The following USP47 variants were observed in gnomAD, a reference collection of about 807,000 sequenced individuals.
The protein encoded by USP47 is ubiquitin specific peptidase 47.
In USP47, 35 loss-of-function variants were observed where a neutral mutation model predicts 165.1. The observed-to-expected ratio is 0.21, with a 90% CI of 0.16 to 0.28. USP47 has a LOEUF of 0.28. Among genes scored for constraint, USP47 ranks in the 10% least tolerant of loss-of-function variants. USP47 has a pLI of 1.00. For synonymous variants in USP47, 531 were observed against 544.5 expected, an observed-to-expected ratio of 0.98 and a Z score of 0.35; for missense variants, 1,277 against 1,607.4, an observed-to-expected ratio of 0.79 and a Z score of 3.52.
Position 11,842,203 on chromosome 11 carries a change from G to A in USP47, c.18G>A (p.Glu6=). ...AGTCAGCGATGGTGCCCGGCGAGGA[G>A]AACCAACTGGTCCCGAAAGAGGTGA... MVPGE[E]NQLVPKEIEN... is the part of the protein sequence containing the mutation. Residue 6 remains glutamate (E), a synonymous_variant, in exon 1 of 28, where the codon GAG becomes GAA. Transcript: ENST00000527733. The A allele has an allele frequency of 6.4e-7, 1 of 1,553,974 alleles. No homozygotes were observed. The highest frequency in any genetic ancestry group is 2.0e-5 in the Admixed American group (1 of 51,150).
At chr11:11,908,275 TTCTC>T (rs1032582742) in intron 8 of USP47, among the ~76,000 whole-genome samples, 3 of 152,028 alleles carry the variant, frequency 2.0e-5, no homozygotes, top group Non-Finnish European at 4.4e-5. Flanking sequence ...TTTCTTTTTT[TTCTC>T]TCTCTCTTTT....
intron 4 of USP47, among the ~76,000 whole-genome samples, chr11:11,893,788 G>A (rs1410474972): frequency 6.6e-6 from 1 of 152,152 alleles, no homozygotes; most frequent in African/African-American, 2.4e-5. Flanking sequence ...TCCTGACTCA[G>A]CCTCCCAAGT....
Position 11,847,005 on chromosome 11 carries a change from A to G in USP47, c.39+4781A>G, listed in dbSNP as rs150292046. ...TTTAATAAAAGTCAGTATTTTAGAT[A>G]TCATTGGAAATGCTCATTTAATGAA... On this transcript the variant is annotated intron_variant, in intron 1 of 27. Coordinates refer to ENST00000527733, the MANE Select transcript of USP47 (RefSeq NM_001282659.2). Among the ~76,000 whole-genome samples the G allele has an allele frequency of 5.9e-4, 90 of 152,296 alleles. 1 individual carries two copies. Among genetic ancestry groups the G allele is most frequent in the African/African-American group, 2.1e-3 (86 of 41,584 alleles).
chr11:11,948,165 A>G (rs369301897), intron 21 of USP47, 45 bp downstream of exon 21: 403 of 1,560,102 alleles, frequency 2.6e-4, no homozygotes, highest in Middle Eastern at 5.2e-4. Context: ...ATTTTAAATG[A>G]TAGATTTGAG....
chr11:11,943,019 G>A lies in USP47; in HGVS notation c.2998G>A (p.Asp1000Asn), dbSNP rs576997560. 1 of 1,613,560 alleles carries A rather than the reference G, an allele frequency of 6.2e-7. No homozygotes were observed. Among genetic ancestry groups the A allele is most frequent in the African/African-American group, 1.3e-5 (1 of 74,994 alleles). ...AGACTCTGGAACTGATAGTGAATATGATGAGAGTGGCAAGAGTAGGGGAGA... is the reference window on the plus strand; with the variant it reads ...AGACTCTGGAACTGATAGTGAATATAATGAGAGTGGCAAGAGTAGGGGAGA... ...EEDSGTDSEY[D>N]ESGKSRGEMQ... is the part of the protein sequence containing the mutation. Residue 1000 changes from aspartate to asparagine, a missense_variant, in exon 20 of 28, where the codon GAT becomes AAT. Physicochemically the swap from Asp to Asn is conservative, Grantham distance 23. Coordinates refer to ENST00000527733, the MANE Select transcript of USP47 (RefSeq NM_001282659.2).
At chr11:11,858,686 A>G (rs1849203099) in intron 1 of USP47, among the ~76,000 whole-genome samples, 1 of 152,172 alleles carries the variant, frequency 6.6e-6, no homozygotes, top group South Asian at 2.1e-4. Context: ...CATTTTGGGT[A>G]GGAATTTTTT....
chr11:11,846,965 A>G (rs1261660937), intron 1 of USP47, among the ~76,000 whole-genome samples: 3 of 152,102 alleles, frequency 2.0e-5, no homozygotes, highest in African/African-American at 7.2e-5. Context: ...CCAGCGTTTT[A>G]AACAAATTGG....
rs971647910 is a variant in USP47 at position 11,957,864 on chromosome 11, C to T, written c.*1689C>T. The T allele has an allele frequency of 6.6e-6, 1 of 151,178 alleles. No individual in the cohort carries two copies. Among genetic ancestry groups the T allele is most frequent in the Non-Finnish European group, 1.5e-5 (1 of 67,916 alleles). 9.4% of individuals were successfully genotyped at this position (151,178 alleles called of 1,614,324 possible). On this transcript the variant is annotated 3_prime_UTR_variant, in exon 28 of 28. Transcript: ENST00000527733. ...TCCACAATGAAAAAAAAAATCTTTT[C>T]TAAGGTATTTTTCTGGCTAATTTTT...
At chr11:11,865,954 C>T (rs1177484759) in intron 1 of USP47, among the ~76,000 whole-genome samples, 1 of 152,030 alleles carries the variant, frequency 6.6e-6, no homozygotes, top group African/African-American at 2.4e-5. Context: ...AATATTTTCT[C>T]CCATTCTGAG....
At chr11:11,913,960 G>A (rs748346110) in intron 8 of USP47, among the ~76,000 whole-genome samples, 1 of 152,018 alleles carries the variant, frequency 6.6e-6, no homozygotes, top group Non-Finnish European at 1.5e-5. Context: ...ATTCAATATA[G>A]TAAAGATAAT....
chr11:11,950,574 G>T (rs1856153269), intron 24 of USP47, 92 bp downstream of exon 24: 7 of 864,396 alleles, frequency 8.1e-6, no homozygotes, highest in Non-Finnish European at 1.8e-6. Context: ...TGAGTTACGA[G>T]GAATCTAATA....
chr11:11,935,598 T>G (rs774370503), intron 16 of USP47, among the ~76,000 whole-genome samples: 39 of 152,090 alleles, frequency 2.6e-4, no homozygotes, highest in Middle Eastern at 6.8e-3. Flanking sequence ...TTACAAGTCC[T>G]TCTTGAAACT....
chr11:11,955,181 T>G lies in USP47; in HGVS notation c.3893+17T>G, dbSNP rs1352218539. 4 of 1,605,790 alleles carry G rather than the reference T, an allele frequency of 2.5e-6. No homozygotes were observed. The highest frequency in any genetic ancestry group is 3.4e-6 in the Non-Finnish European group (4 of 1,177,200). On this transcript the variant is annotated intron_variant, in intron 27 of 27. Coordinates refer to ENST00000527733, the MANE Select transcript of USP47 (RefSeq NM_001282659.2). Reference sequence around the variant, plus strand: ...ATTTTATAGGTAACATTCACAATGTTTTTGTTGCTGTTAGTAATACATTTT... The same window carrying G: ...ATTTTATAGGTAACATTCACAATGTGTTTGTTGCTGTTAGTAATACATTTT...
intron 1 of USP47, among the ~76,000 whole-genome samples, chr11:11,870,338 G>A (rs368581703): frequency 2.0e-5 from 3 of 151,862 alleles, no homozygotes; most frequent in South Asian, 4.2e-4. Context: ...TTCTTGACTT[G>A]TAACCACATC....
chr11:11,872,881 G>T, intron 1 of USP47, among the ~76,000 whole-genome samples: 1 of 152,144 alleles, frequency 6.6e-6, no homozygotes, highest in East Asian at 1.9e-4. Context: ...TAGCAGATTA[G>T]TTAAATTATG....
In USP47 at chr11:11,842,007, C is replaced by T. The variant is rs1023869678; in HGVS notation, c.-179C>T. 2.3e-5 allele frequency: 14 copies of T among 608,786 alleles called. No individual in the cohort carries two copies. The highest frequency in any genetic ancestry group is 3.4e-5 in the Non-Finnish European group (13 of 380,798). 37.7% of individuals were successfully genotyped at this position (608,786 alleles called of 1,614,324 possible). A position where few individuals can be genotyped will look rare whatever the true frequency, so the allele number is the denominator to read the frequency against. Reference sequence around the variant, plus strand: ...GCTGTGGTAGCGGCGGCGGCGGCGGCGGAGCCCTGGGTCGGTGTCTGCGCG... The same window carrying T: ...GCTGTGGTAGCGGCGGCGGCGGCGGTGGAGCCCTGGGTCGGTGTCTGCGCG... On this transcript the variant is annotated 5_prime_UTR_variant, in exon 1 of 28. Coordinates refer to ENST00000527733, the MANE Select transcript of USP47 (RefSeq NM_001282659.2).
At chr11:11,910,463 A>C (rs1162503711) in intron 8 of USP47, among the ~76,000 whole-genome samples, 1 of 152,156 alleles carries the variant, frequency 6.6e-6, no homozygotes, top group African/African-American at 2.4e-5. Flanking sequence ...CCACAGAAAG[A>C]AAAGGCCTTA....
rs900681986 is a variant in USP47, at chr11:11,925,842, G to A, written c.1386+2951G>A. 1.1e-4 allele frequency among the ~76,000 whole-genome samples: 17 copies of A among 152,000 alleles called. 1 individual carries two copies. Among genetic ancestry groups the A allele is most frequent in the Admixed American group, 7.9e-4 (12 of 15,272 alleles). Reference sequence around the variant, plus strand: ...CCCAATCTTAGAGGGAAAGCTTTCCGTTTTTCACCATTTAATATGATGGTA... The same window carrying A: ...CCCAATCTTAGAGGGAAAGCTTTCCATTTTTCACCATTTAATATGATGGTA... On this transcript the variant is annotated intron_variant, in intron 11 of 27. Coordinates refer to ENST00000527733, the MANE Select transcript of USP47 (RefSeq NM_001282659.2).
chr11:11,905,515 ACCTTATGGGT>A lies in USP47; in HGVS notation c.939_948del (p.Tyr314AlafsTer50). 1.9e-6 allele frequency: 3 copies of A among 1,608,692 alleles called. No homozygotes were observed. Among genetic ancestry groups the A allele is most frequent in the Non-Finnish European group, 2.6e-6 (3 of 1,176,284 alleles). On this transcript the variant is annotated frameshift_variant, in exon 8 of 28. Transcript: ENST00000527733. LOFTEE classifies it high-confidence loss of function. ...ATCTTGATATTCCATTGGTCATCCGACCTTATGGGTCCAGCCAAGCATTTGCTAGTGTGGT... is the reference window on the plus strand; with the variant it reads ...ATCTTGATATTCCATTGGTCATCCGACCAGCCAAGCATTTGCTAGTGTGGT...
Sources: gnomAD v4.1 joint callset for allele counts (sites outside exome capture counted in the v4.1 genomes callset) on GRCh38, gnomAD v4.1.1 for gene constraint, MANE v1.5 for transcripts, NCBI Gene and HGNC (gene_info 2026-07-23, HGNC 2026-07-21) for gene names.